ABCC4: variants seen among roughly 807,000 people sequenced by gnomAD.
The protein encoded by ABCC4 is ATP binding cassette subfamily C member 4 (PEL blood group), also known as ATP-binding cassette sub-family C member 4.
ABCC4 carries 102 observed loss-of-function variants against 168.5 expected under a neutral mutation model. The observed-to-expected ratio is 0.61, with a 90% confidence interval of 0.52 to 0.71. The LOEUF is 0.71. Among genes scored for constraint, ABCC4 ranks in the 30% least tolerant of loss-of-function variants. The pLI is 0.00. For synonymous variants in ABCC4, 617 were observed against 590.7 expected, an observed-to-expected ratio of 1.04 and a Z score of -0.65; for missense variants, 1,402 against 1,605.8, an observed-to-expected ratio of 0.87 and a Z score of 2.17.
chr13:95,117,792 AAGAT>A lies in ABCC4; in HGVS notation c.2456-1795_2456-1792del, dbSNP rs1316696441. Among the ~76,000 whole-genome samples the A allele has an allele frequency of 8.3e-4, 126 of 151,958 alleles. 2 individuals carry two copies. The highest frequency in any genetic ancestry group is 3.4e-3 in the Middle Eastern group (1 of 294). On this transcript the variant is annotated intron_variant, in intron 19 of 30. Coordinates refer to ENST00000645237, the MANE Select transcript of ABCC4 (RefSeq NM_005845.5). ...CAATATTCAAATTAAAAAAAAAAAAAAGATAGGCCAGGTATGGGGCTCACACCTA... is the reference window on the plus strand; with the variant it reads ...CAATATTCAAATTAAAAAAAAAAAAAAGGCCAGGTATGGGGCTCACACCTA...
intron 1 of ABCC4, among the ~76,000 whole-genome samples, chr13:95,287,235 T>A (rs984745239): frequency 7.9e-5 from 12 of 152,114 alleles, no homozygotes; most frequent in Admixed American, 3.9e-4. Flanking sequence ...AAGGTTGCAG[T>A]GAGCCAAGAT....
chr13:95,256,458 T>C (rs2040394592), intron 1 of ABCC4, among the ~76,000 whole-genome samples: 1 of 152,220 alleles, frequency 6.6e-6, no homozygotes, highest in Non-Finnish European at 1.5e-5. Context: ...GACTATCCTC[T>C]GAAAATCAGG....
Position 95,253,170 on chromosome 13 carries a change from C to T in ABCC4, c.75-5417G>A, listed in dbSNP as rs550818269. ...AGTGCACGGCCAACCATGACTGCCCCGGGCTTTCTCCAAAACAGCTCCATT... is the reference window on the plus strand; with the variant it reads ...AGTGCACGGCCAACCATGACTGCCCTGGGCTTTCTCCAAAACAGCTCCATT... On this transcript the variant is annotated intron_variant, in intron 1 of 30. Transcript: ENST00000645237. Among the ~76,000 whole-genome samples the T allele has an allele frequency of 2.0e-3, 302 of 152,294 alleles. 2 individuals carry two copies. The highest frequency in any genetic ancestry group is 7.0e-3 in the African/African-American group (291 of 41,558).
At chr13:95,249,775 C>T (rs901604788) in intron 1 of ABCC4, among the ~76,000 whole-genome samples, 33 of 152,058 alleles carry the variant, frequency 2.2e-4, no homozygotes, top group African/African-American at 7.0e-4. Context: ...TCTTTTTGGA[C>T]TAAAGAGGTT....
chr13:95,100,592 T>C (rs1335776294), intron 20 of ABCC4, among the ~76,000 whole-genome samples: 1 of 152,234 alleles, frequency 6.6e-6, no homozygotes, highest in Non-Finnish European at 1.5e-5. Flanking sequence ...TGTCATCAAC[T>C]GCCCTGTCTA....
At chr13:95,078,792 G>A (rs1018009542) in intron 21 of ABCC4, among the ~76,000 whole-genome samples, 4 of 152,130 alleles carry the variant, frequency 2.6e-5, no homozygotes, top group East Asian at 1.9e-4. Context: ...GACTGAACGC[G>A]TCCATCATAT....
At chr13:95,276,222 T>A (rs1047419945) in intron 1 of ABCC4, among the ~76,000 whole-genome samples, 2 of 152,080 alleles carry the variant, frequency 1.3e-5, no homozygotes, top group Non-Finnish European at 2.9e-5. Flanking sequence ...GAGACCAGCC[T>A]GGGCAACATG....
chr13:95,180,638 C>T (rs1348186349), intron 11 of ABCC4, among the ~76,000 whole-genome samples: 1 of 151,974 alleles, frequency 6.6e-6, no homozygotes, highest in Non-Finnish European at 1.5e-5. Flanking sequence ...AAGACAGGGT[C>T]CCAGCCTTCC....
intron 3 of ABCC4, among the ~76,000 whole-genome samples, chr13:95,238,491 T>G (rs1234429297): frequency 6.6e-6 from 1 of 152,148 alleles, no homozygotes; most frequent in Admixed American, 6.5e-5. Context: ...AACCAATGCC[T>G]GTACACATCA....
intron 1 of ABCC4, among the ~76,000 whole-genome samples, chr13:95,286,969 A>AG (rs1403605265): frequency 2.0e-5 from 3 of 149,912 alleles, no homozygotes; most frequent in Non-Finnish European, 4.4e-5. Context: ...AAAAAAAAAA[A>AG]AAAGAAAAGA....
intron 8 of ABCC4, among the ~76,000 whole-genome samples, chr13:95,206,144 T>C (rs1566525362): frequency 6.6e-6 from 1 of 152,184 alleles, no homozygotes; most frequent in African/African-American, 2.4e-5. Flanking sequence ...CCCAGCAAGC[T>C]CTTTCCTTCC....
chr13:95,093,084 C>T (rs568581763), intron 20 of ABCC4, among the ~76,000 whole-genome samples: 4 of 152,060 alleles, frequency 2.6e-5, no homozygotes, highest in Non-Finnish European at 5.9e-5. Context: ...CAAGACCAGA[C>T]AGATTCACAG....
intron 19 of ABCC4, among the ~76,000 whole-genome samples, chr13:95,135,336 T>A (rs2036111809): frequency 6.6e-6 from 1 of 151,730 alleles, no homozygotes; most frequent in African/African-American, 2.4e-5. Flanking sequence ...CAAACTCAAC[T>A]AAAGTTTTCC....
chr13:95,089,433 C>T, intron 20 of ABCC4, among the ~76,000 whole-genome samples: 1 of 152,098 alleles, frequency 6.6e-6, no homozygotes, highest in Admixed American at 6.5e-5. Context: ...GCCTGGCCAA[C>T]ATGGTGAAAC....
At chr13:95,274,462 A>G (rs9556468) in intron 1 of ABCC4, among the ~76,000 whole-genome samples, 121,368 of 152,026 alleles carry the variant, frequency 0.8, 49,549 homozygotes, top group Non-Finnish European at 0.89. Flanking sequence ...ATCATGCCAG[A>G]GCCTGATAAC....
At chr13:95,138,363 C>T (rs998878499) in intron 19 of ABCC4, among the ~76,000 whole-genome samples, 2 of 152,100 alleles carry the variant, frequency 1.3e-5, no homozygotes, top group African/African-American at 4.8e-5. Flanking sequence ...TTGGGAGGTG[C>T]TTGGAACAGG....
intron 21 of ABCC4, among the ~76,000 whole-genome samples, chr13:95,078,984 T>G (rs2034002126): frequency 6.6e-6 from 1 of 152,202 alleles, no homozygotes; most frequent in Non-Finnish European, 1.5e-5. Flanking sequence ...CATCCCAGTT[T>G]TGGAACACCC....
chr13:95,180,928 A>G (rs2037868836), intron 11 of ABCC4, among the ~76,000 whole-genome samples: 1 of 152,198 alleles, frequency 6.6e-6, no homozygotes, highest in Non-Finnish European at 1.5e-5. Context: ...GACTTGGCAA[A>G]CTATTTATGG....
chr13:95,165,388 A>G (rs888693403), intron 15 of ABCC4, among the ~76,000 whole-genome samples: 1 of 152,190 alleles, frequency 6.6e-6, no homozygotes, highest in African/African-American at 2.4e-5. Context: ...CCTAATCTGA[A>G]TATCTGCAAG....
Sources: allele counts gnomAD v4.1 joint callset (sites outside exome capture counted in the v4.1 genomes callset), GRCh38; gene constraint gnomAD v4.1.1; transcripts MANE v1.5; gene names NCBI Gene and HGNC (gene_info 2026-07-23, HGNC 2026-07-21).